FUCA2: variants seen among roughly 807,000 people sequenced by gnomAD.
The protein encoded by FUCA2 is alpha-L-fucosidase 2.
Under a neutral mutation model 52.6 loss-of-function variants are expected in FUCA2, and 41 were observed. The observed-to-expected ratio is 0.78, with a 90% CI of 0.61 to 1.01. The LOEUF (loss-of-function observed/expected upper bound fraction) is 1.01. FUCA2 is among the 50% of genes least tolerant of loss of function. The pLI, the probability that FUCA2 is intolerant of heterozygous loss-of-function variation, is 0.00. For synonymous variants in FUCA2, 211 were observed against 217.3 expected (o/e 0.97, Z 0.26); for missense variants, 507 against 569.5 (o/e 0.89, Z 1.12).
chr6:143,508,382 C>A (rs548486555), intron 1 of FUCA2, among the ~76,000 whole-genome samples: 1 of 152,128 alleles, frequency 6.6e-6, no homozygotes, highest in East Asian at 1.9e-4. Context: ...ATCACCATTC[C>A]TTTCATATGA....
chr6:143,505,826 G>A (rs540765412), intron 2 of FUCA2: 2 of 152,156 alleles, frequency 1.3e-5, no homozygotes, highest in Non-Finnish European at 2.9e-5. Context: ...CCTGAGCTTA[G>A]TATGCATTTT....
rs1042254306 is a variant in FUCA2 at position 143,511,188 on chromosome 6, C to A, written c.224+223G>T. The stretch of plus-strand genomic sequence containing the variant: ...AGTCAGGAGTATCTGAAAACTCTTA[C>A]AGTCACACGGAAGAAAAATTCCCTG... On this transcript the variant is annotated intron_variant, in intron 1 of 6. Transcript: ENST00000002165. The surrounding 1 kb of genome is among the most constrained non-coding windows in gnomAD (Gnocchi z 6.3). 6.6e-6 allele frequency among the ~76,000 whole-genome samples: 1 copy of A among 152,190 alleles called. No homozygotes were observed. The highest frequency in any genetic ancestry group is 1.5e-5 in the Non-Finnish European group (1 of 68,036).
rs1275618013 is a variant in FUCA2 at position 143,504,869 on chromosome 6, C to T, written c.413-617G>A. 1 of 137,384 alleles carries T rather than the reference C, an allele frequency of 7.3e-6. No individual in the cohort carries two copies. Among genetic ancestry groups the T allele is most frequent in the Non-Finnish European group, 1.5e-5 (1 of 64,596 alleles). The allele number at this position is 137,384 out of a possible 1,614,324, so 8.5% of individuals were successfully genotyped here. Reference sequence around the variant, plus strand: ...TAACCAGAGGGGCAAAAAAAAACCCCTACTATTCCCAATAGTTCTATACTT... The same window carrying T: ...TAACCAGAGGGGCAAAAAAAAACCCTTACTATTCCCAATAGTTCTATACTT... On this transcript the variant is annotated intron_variant, in intron 2 of 6. Transcript: ENST00000002165. The surrounding 1 kb of genome is among the most constrained non-coding windows in gnomAD (Gnocchi z 4.4).
In FUCA2 at chr6:143,499,198, G is replaced by A. The variant is rs1283309065; in HGVS notation, c.1155-1701C>T. Among the ~76,000 whole-genome samples, 1 of 152,218 alleles carries A rather than the reference G, an allele frequency of 6.6e-6. No homozygotes were observed. Among genetic ancestry groups the A allele is most frequent in the Non-Finnish European group, 1.5e-5 (1 of 68,044 alleles). On this transcript the variant is annotated intron_variant, in intron 5 of 6. Coordinates refer to ENST00000002165, the MANE Select transcript of FUCA2 (RefSeq NM_032020.5). The surrounding 1 kb of genome is among the most constrained non-coding windows in gnomAD (Gnocchi z 6.0). ...TGGAGTTCGGAAAGAGGTCTGCACT[G>A]GAAATAGAAATGTGGAGATCATCAA...
In FUCA2 at chr6:143,509,041, T is replaced by C. The variant is rs17072725; in HGVS notation, c.225-1617A>G. Among the ~76,000 whole-genome samples the C allele has an allele frequency of 0.041, 6,165 of 152,132 alleles. 404 individuals carry two copies. Among genetic ancestry groups the C allele is most frequent in the African/African-American group, 0.14 (5,739 of 41,464 alleles). The stretch of plus-strand genomic sequence containing the variant: ...AGTATCTGGGACTACGGGCATTACA[T>C]TTTAAATTGAACTGCAAAAGAGAAA... On this transcript the variant is annotated intron_variant, in intron 1 of 6. Transcript: ENST00000002165. The surrounding 1 kb of genome is among the most constrained non-coding windows in gnomAD (Gnocchi z 5.4).
At chr6:143,506,994 A>G (rs1440754012) in intron 2 of FUCA2, 5 of 457,444 alleles carry the variant, frequency 1.1e-5, no homozygotes, top group Non-Finnish European at 1.9e-5. Flanking sequence ...ATATTGTTCA[A>G]AATACATGTG....
At position 143,497,986 on chromosome 6, in the gene FUCA2, C is replaced by T. The variant is rs1780482486; in HGVS notation, c.1155-489G>A. 6.6e-6 allele frequency among the ~76,000 whole-genome samples: 1 copy of T among 152,024 alleles called. No individual in the cohort carries two copies. The highest frequency in any genetic ancestry group is 2.4e-5 in the African/African-American group (1 of 41,366). On this transcript the variant is annotated intron_variant, in intron 5 of 6. Coordinates refer to ENST00000002165, the MANE Select transcript of FUCA2 (RefSeq NM_032020.5). The surrounding 1 kb of genome is among the most constrained non-coding windows in gnomAD (Gnocchi z 5.3). ...GGAAAGCAGACACTAAACAATCACA[C>T]AAATAATATGAAAGTGTGAGTTCTG...
chr6:143,504,244 A>G lies in FUCA2; in HGVS notation c.421T>C (p.Leu141=). The G allele has an allele frequency of 6.2e-7, 1 of 1,608,828 alleles. No individual in the cohort carries two copies. Among genetic ancestry groups the G allele is most frequent in the Non-Finnish European group, 8.5e-7 (1 of 1,178,020 alleles). Residue 141 remains leucine, a synonymous_variant, in exon 3 of 7, where the codon TTG becomes CTG. Coordinates refer to ENST00000002165, the MANE Select transcript of FUCA2 (RefSeq NM_032020.5). The surrounding 1 kb of genome is among the most constrained non-coding windows in gnomAD (Gnocchi z 4.4). ...TTCCACGAATATTCTGACCCCCACA[A>G]GGTAAAGCCTAGAAAATTATAGTGA... ...LTSKHHEGFT[L]WGSEYSWNWN...
In FUCA2 at chr6:143,501,537, C is replaced by G. The variant is rs1359646547; in HGVS notation, c.1154+395G>C. On this transcript the variant is annotated intron_variant, in intron 5 of 6. Transcript: ENST00000002165. The surrounding 1 kb of genome is among the most constrained non-coding windows in gnomAD (Gnocchi z 6.1). ...ACATTTTCTCTGCCATTGGGTACCT[C>G]TTGTTTGCTAATTTCATGGGATGCA... 1.3e-5 allele frequency among the ~76,000 whole-genome samples: 2 copies of G among 152,276 alleles called. No homozygotes were observed. The highest frequency in any genetic ancestry group is 2.9e-5 in the Non-Finnish European group (2 of 68,016).
Position 143,504,020 on chromosome 6 carries a change from C to T in FUCA2, c.645G>A (p.Glu215=), listed in dbSNP as rs754555504. Residue 215 remains glutamate (E), a synonymous_variant, in exon 3 of 7, where the codon GAG becomes GAA. Coordinates refer to ENST00000002165, the MANE Select transcript of FUCA2 (RefSeq NM_032020.5). The surrounding 1 kb of genome is among the most constrained non-coding windows in gnomAD (Gnocchi z 4.4). ...CCTCAGGCTGATAGTTGTTCACTAA[C>T]TCATAGAGCTCTGGCAATGTCTTAG... ...PVSKTLPELY[E]LVNNYQPEVL... 2.5e-6 allele frequency: 4 copies of T among 1,614,158 alleles called. No individual in the cohort carries two copies. Among genetic ancestry groups the T allele is most frequent in the East Asian group, 2.2e-5 (1 of 44,880 alleles).
intron 6 of FUCA2, chr6:143,496,765 A>G (rs570432100): frequency 6.6e-6 from 1 of 152,362 alleles, no homozygotes; most frequent in African/African-American, 2.4e-5. Context: ...GTGGGGTGTC[A>G]GGGAAAGCAT....
chr6:143,507,370 A>G lies in FUCA2; in HGVS notation c.279T>C (p.Asn93=), dbSNP rs78886002. 798 of 1,605,394 alleles carry G rather than the reference A, an allele frequency of 5.0e-4. 3 individuals carry two copies. In the African/African-American group the frequency reaches 7.5e-3, roughly 15 times the overall value. ...CTTCATATTTGAAACTAGGAGGGTA[A>G]TTATCTTTCATAAATTCCACATACT... ...IPKYVEFMKD[N]YPPSFKYEDF... The change falls in exon 2 of 7, where the codon AAT becomes AAC. Residue 93 remains asparagine (N), a synonymous_variant. Coordinates refer to ENST00000002165, the MANE Select transcript of FUCA2 (RefSeq NM_032020.5). The surrounding 1 kb of genome is among the most constrained non-coding windows in gnomAD (Gnocchi z 4.5).
In FUCA2 at chr6:143,501,837, C is replaced by A. The variant is rs947103629; in HGVS notation, c.1154+95G>T. 1.6e-5 allele frequency: 18 copies of A among 1,113,114 alleles called. No individual in the cohort carries two copies. Among genetic ancestry groups the A allele is most frequent in the Middle Eastern group, 2.2e-4 (1 of 4,528 alleles). 69.0% of individuals were successfully genotyped at this position (1,113,114 alleles called of 1,614,324 possible). A position where few individuals can be genotyped will look rare whatever the true frequency, so the allele number is the denominator to read the frequency against. ...GTGCTTTGTATATGTAGGAATTCAT[C>A]CAATTTCTCTTTTTATCCTACTCTT... On this transcript the variant is annotated intron_variant, in intron 5 of 6. Coordinates refer to ENST00000002165, the MANE Select transcript of FUCA2 (RefSeq NM_032020.5). This position sits in a 1 kb window ranked among gnomAD's most constrained non-coding sequence, Gnocchi z 6.1.
At chr6:143,506,190 C>T (rs223233) in intron 2 of FUCA2, 64,054 of 144,504 alleles carry the variant, frequency 0.44, 15,030 homozygotes, top group African/African-American at 0.58. Context: ...GCAAAGTTTC[C>T]CGTTTTTTTT....
intron 1 of FUCA2, among the ~76,000 whole-genome samples, chr6:143,508,760 G>A (rs143028600): frequency 3.2e-4 from 48 of 152,322 alleles, no homozygotes; most frequent in African/African-American, 9.1e-4. Flanking sequence ...GAAAGAGCCC[G>A]TGTCTTTGAT....
chr6:143,504,031 C>T lies in FUCA2; in HGVS notation c.634G>A (p.Glu212Lys). Residue 212 changes from glutamate (E) to lysine (K), a missense_variant, in exon 3 of 7, where the codon GAG becomes AAG. Glu to Lys is a moderately conservative substitution (Grantham distance 56). Coordinates refer to ENST00000002165, the MANE Select transcript of FUCA2 (RefSeq NM_032020.5). This position sits in a 1 kb window ranked among gnomAD's most constrained non-coding sequence, Gnocchi z 4.4. ...TAGTTGTTCACTAACTCATAGAGCT[C>T]TGGCAATGTCTTAGAAACTGGAAAT... The part of the protein sequence containing the change: ...RQFPVSKTLP[E>K]LYELVNNYQP... 6.2e-7 allele frequency: 1 copy of T among 1,614,144 alleles called. No individual in the cohort carries two copies. The highest frequency in any genetic ancestry group is 8.5e-7 in the Non-Finnish European group (1 of 1,180,034).
Position 143,511,261 on chromosome 6 carries a change from G to T in FUCA2, c.224+150C>A. The T allele has an allele frequency of 3.1e-6, 2 of 644,978 alleles. No individual in the cohort carries two copies. Among genetic ancestry groups the T allele is most frequent in the South Asian group, 2.4e-5 (1 of 41,518 alleles). 40.0% of individuals were successfully genotyped at this position (644,978 alleles called of 1,614,324 possible). ...GCAGGAAACCACATATTCGACACCC[G>T]GAAGTGCGAAACGCGGGTAACGCAG... On this transcript the variant is annotated intron_variant, in intron 1 of 6. Transcript: ENST00000002165. The surrounding 1 kb of genome is among the most constrained non-coding windows in gnomAD (Gnocchi z 6.3).
At position 143,511,294 on chromosome 6, in the gene FUCA2, T is replaced by C; in HGVS notation, c.224+117A>G. 5.5e-6 allele frequency: 5 copies of C among 904,544 alleles called. 1 individual carries two copies. Among genetic ancestry groups the C allele is most frequent in the Admixed American group, 3.2e-5 (1 of 31,278 alleles). The allele number at this position is 904,544 out of a possible 1,614,324, so 56.0% of individuals were successfully genotyped here. A position where few individuals can be genotyped will look rare whatever the true frequency, so the allele number is the denominator to read the frequency against. On this transcript the variant is annotated intron_variant, in intron 1 of 6. Coordinates refer to ENST00000002165, the MANE Select transcript of FUCA2 (RefSeq NM_032020.5). The surrounding 1 kb of genome is among the most constrained non-coding windows in gnomAD (Gnocchi z 6.3). ...GAAACGCGGGTAACGCAGTGGGAGG[T>C]GAAACCGACGAGGGTGCAGGCAGCA...
At position 143,501,862 on chromosome 6, in the gene FUCA2, T is replaced by G. The variant is rs1001428369; in HGVS notation, c.1154+70A>C. The G allele has an allele frequency of 7.3e-7, 1 of 1,375,980 alleles. No homozygotes were observed. The highest frequency in any genetic ancestry group is 1.0e-6 in the Non-Finnish European group (1 of 1,001,208). 85.2% of individuals were successfully genotyped at this position (1,375,980 alleles called of 1,614,324 possible). A position where few individuals can be genotyped will look rare whatever the true frequency, so the allele number is the denominator to read the frequency against. The stretch of plus-strand genomic sequence containing the variant: ...CCAATTTCTCTTTTTATCCTACTCT[T>G]CTTTATATGTCTGATAAATTTTAAA... On this transcript the variant is annotated intron_variant, in intron 5 of 6. Transcript: ENST00000002165. This position sits in a 1 kb window ranked among gnomAD's most constrained non-coding sequence, Gnocchi z 6.1.
Sources: gnomAD v4.1 joint callset for allele counts (sites outside exome capture counted in the v4.1 genomes callset) on GRCh38, gnomAD v4.1.1 for gene constraint, Gnocchi (gnomAD v3.1) non-coding constraint, MANE v1.5 for transcripts, NCBI Gene and HGNC (gene_info 2026-07-23, HGNC 2026-07-21) for gene names.